SORCS3: variants seen among roughly 807,000 people sequenced by gnomAD.
SORCS3 encodes the protein VPS10 domain-containing receptor SorCS3.
A neutral mutation model predicts 146.3 loss-of-function variants in SORCS3; 57 were observed. That is an observed-to-expected ratio of 0.39 (90% CI 0.31 to 0.49). SORCS3 has a LOEUF of 0.49. SORCS3 is among the 20% of genes least tolerant of loss of function. The pLI, the probability that SORCS3 is intolerant of heterozygous loss-of-function variation, is 0.92. For synonymous variants in SORCS3, 653 were observed against 618.5 expected, an observed-to-expected ratio of 1.06 and a Z score of -0.83; for missense variants, 1,341 against 1,575.5, an observed-to-expected ratio of 0.85 and a Z score of 2.52.
At chr10:104,739,620 T>A (rs1249905170) in intron 1 of SORCS3, among the ~76,000 whole-genome samples, 1 of 151,806 alleles carries the variant, frequency 6.6e-6, no homozygotes, top group Non-Finnish European at 1.5e-5. Flanking sequence ...CAGGGGGAGG[T>A]CAACAGGGCT....
chr10:104,952,255 GAAAAAAAAAAAA>G (rs55880149), intron 3 of SORCS3, among the ~76,000 whole-genome samples: 8 of 40,622 alleles, frequency 2.0e-4, no homozygotes, highest in Admixed American at 9.6e-4. Flanking sequence ...ATGAATGTTT[GAAAAAAAAAAAA>G]AAAAAAAAAA....
intron 1 of SORCS3, among the ~76,000 whole-genome samples, chr10:104,647,564 C>T (rs1357857109): frequency 1.3e-5 from 2 of 152,180 alleles, no homozygotes; most frequent in African/African-American, 4.8e-5. Flanking sequence ...CCTCCAATCA[C>T]CATCAAGTGC....
At chr10:105,164,129 A>G (rs1440832309) in intron 11 of SORCS3, among the ~76,000 whole-genome samples, 174 bp from the exon 12 acceptor site, 1 of 152,092 alleles carries the variant, frequency 6.6e-6, no homozygotes, top group Non-Finnish European at 1.5e-5. Context: ...ATTTTTTCCC[A>G]TATTGGGTTT....
chr10:105,069,074 T>C (rs990354298), intron 5 of SORCS3, among the ~76,000 whole-genome samples: 1 of 152,194 alleles, frequency 6.6e-6, no homozygotes, highest in Non-Finnish European at 1.5e-5. Flanking sequence ...ACAAATCCTT[T>C]AGCATGACAC....
At chr10:105,260,419 A>G (rs569487558) in intron 25 of SORCS3, among the ~76,000 whole-genome samples, 1 of 152,314 alleles carries the variant, frequency 6.6e-6, no homozygotes, top group African/African-American at 2.4e-5. Flanking sequence ...GGCCAGCATT[A>G]ATTTTTAATT....
chr10:105,194,795 C>T (rs923721522), intron 14 of SORCS3, among the ~76,000 whole-genome samples: 2 of 152,110 alleles, frequency 1.3e-5, no homozygotes. Flanking sequence ...GATTGATGGT[C>T]TGGGTAAGTT....
intron 1 of SORCS3, among the ~76,000 whole-genome samples, chr10:104,742,435 A>G (rs1227314185): frequency 6.6e-6 from 1 of 152,186 alleles, no homozygotes; most frequent in African/African-American, 2.4e-5. Context: ...TTAAGGATCT[A>G]TGGAAAAGTA....
chr10:105,031,510 A>G (rs2055267691), intron 4 of SORCS3, among the ~76,000 whole-genome samples: 1 of 152,202 alleles, frequency 6.6e-6, no homozygotes, highest in East Asian at 1.9e-4. Context: ...TTTAAACCCT[A>G]GCAGATACTT....
At chr10:105,027,516 T>C (rs569600776) in intron 4 of SORCS3, among the ~76,000 whole-genome samples, 2 of 152,322 alleles carry the variant, frequency 1.3e-5, no homozygotes, top group African/African-American at 4.8e-5. Flanking sequence ...TCCCTATTTA[T>C]GACTTTGCCT....
At chr10:105,241,884 A>C (rs2056825536) in intron 20 of SORCS3, among the ~76,000 whole-genome samples, 1 of 152,174 alleles carries the variant, frequency 6.6e-6, no homozygotes. Flanking sequence ...GACAGTGTAG[A>C]AAACCAACTA....
At chr10:105,167,151 G>A in intron 12 of SORCS3, 107 bp from the exon 13 acceptor site, 1 of 820,732 alleles carries the variant, frequency 1.2e-6, no homozygotes, top group Non-Finnish European at 1.9e-6. Context: ...GCTGTTGGAA[G>A]GCTCAGAACC....
chr10:105,198,715 C>A (rs571427303), intron 14 of SORCS3, among the ~76,000 whole-genome samples: 16 of 151,994 alleles, frequency 1.1e-4, no homozygotes, highest in Middle Eastern at 3.4e-3. Context: ...GTTTCTCCTA[C>A]CCCATGCTGA....
At chr10:105,186,369 G>A (rs907583910) in intron 14 of SORCS3, among the ~76,000 whole-genome samples, 1 of 152,076 alleles carries the variant, frequency 6.6e-6, no homozygotes, top group East Asian at 1.9e-4. Flanking sequence ...AATTGTCCTC[G>A]TGCATAGGTG....
chr10:105,152,065 T>G (rs1449749435), intron 9 of SORCS3, among the ~76,000 whole-genome samples: 1 of 152,168 alleles, frequency 6.6e-6, no homozygotes, highest in Non-Finnish European at 1.5e-5. Context: ...TTCTTTTTAA[T>G]TACTCTCCCT....
intron 1 of SORCS3, among the ~76,000 whole-genome samples, chr10:104,805,856 C>T (rs1395760091): frequency 5.9e-5 from 9 of 152,114 alleles, no homozygotes. Flanking sequence ...TCTTCCTGTT[C>T]TTGCTTTCCC....
chr10:104,838,207 T>C (rs2018092528), intron 1 of SORCS3, among the ~76,000 whole-genome samples: 3 of 152,130 alleles, frequency 2.0e-5, no homozygotes, highest in Non-Finnish European at 4.4e-5. Flanking sequence ...GGTTTTGCTG[T>C]AGATCCGGAA....
At chr10:104,807,536 A>T (rs185895190) in intron 1 of SORCS3, among the ~76,000 whole-genome samples, 20 of 152,322 alleles carry the variant, frequency 1.3e-4, no homozygotes, top group African/African-American at 4.8e-4. Flanking sequence ...TTGGAAGAAG[A>T]AAAGAGATGA....
chr10:105,084,698 A>T (rs1412773381), intron 5 of SORCS3, among the ~76,000 whole-genome samples: 1 of 151,106 alleles, frequency 6.6e-6, no homozygotes, highest in Non-Finnish European at 1.5e-5. Context: ...GCAAGCAGCA[A>T]TTAAGCGTGT....
rs1184956286 is a variant in SORCS3 at position 104,641,467 on chromosome 10, C to T, written c.140C>T (p.Ala47Val). 4 of 1,466,796 alleles carry T rather than the reference C, an allele frequency of 2.7e-6. No individual in the cohort carries two copies. In the East Asian group the frequency reaches 9.0e-5, roughly 33 times the overall value. 90.9% of individuals were successfully genotyped at this position (1,466,796 alleles called of 1,614,324 possible). A position where few individuals can be genotyped will look rare whatever the true frequency, so the allele number is the denominator to read the frequency against. ...WDATGGPGRP[A>V]APASRPPALS... ...GCGACAGGCGGTCCCGGACGCCCGG[C>T]GGCCCCGGCTTCGCGGCCACCGGCG... Residue 47 changes from alanine to valine, a missense_variant, in exon 1 of 27, where the codon GCG becomes GTG. Ala to Val is a moderately conservative substitution (Grantham distance 64). Transcript: ENST00000369701. This position sits in a 1 kb window ranked among gnomAD's most constrained non-coding sequence, Gnocchi z 6.4.
Sources: allele counts gnomAD v4.1 joint callset (sites outside exome capture counted in the v4.1 genomes callset), GRCh38; gene constraint gnomAD v4.1.1; non-coding constraint Gnocchi (gnomAD v3.1); transcripts MANE v1.5; gene names NCBI Gene and HGNC (gene_info 2026-07-23, HGNC 2026-07-21).